XYLT1: variants seen among roughly 807,000 people sequenced by gnomAD.
XYLT1 encodes beta-D-xylosyltransferase 1.
In XYLT1, 36 loss-of-function variants were observed where a neutral mutation model predicts 91.3. The observed-to-expected ratio is 0.39, with a 90% CI of 0.30 to 0.52. The LOEUF is 0.52. XYLT1 is among the 20% of genes least tolerant of loss of function. The pLI is 0.68. For synonymous variants in XYLT1, 588 were observed against 532.0 expected (o/e 1.11, Z -1.45); for missense variants, 1,242 against 1,284.5 (o/e 0.97, Z 0.51).
chr16:17,188,915 A>C (rs887044972), intron 5 of XYLT1, among the ~76,000 whole-genome samples: 4 of 152,222 alleles, frequency 2.6e-5, no homozygotes, highest in Non-Finnish European at 4.4e-5. Context: ...ATTTGGACCC[A>C]GGTGGACTGG....
chr16:17,117,039 C>T (rs1966853740), intron 11 of XYLT1, among the ~76,000 whole-genome samples: 1 of 152,028 alleles, frequency 6.6e-6, no homozygotes, highest in South Asian at 2.1e-4. Flanking sequence ...CAGTCTCTGT[C>T]ACAACTATTC....
intron 2 of XYLT1, among the ~76,000 whole-genome samples, chr16:17,306,012 C>T (rs2034465646): frequency 6.6e-6 from 1 of 152,072 alleles, no homozygotes; most frequent in Non-Finnish European, 1.5e-5. Flanking sequence ...CTGTGATGTC[C>T]CTTCCCTGAC....
chr16:17,465,767 T>C (rs1464531867), intron 1 of XYLT1, among the ~76,000 whole-genome samples: 4 of 152,200 alleles, frequency 2.6e-5, no homozygotes, highest in African/African-American at 4.8e-5. Context: ...AGAAATTCCT[T>C]ATTTTCAAAC....
At chr16:17,147,100 A>G (rs2031153620) in intron 6 of XYLT1, among the ~76,000 whole-genome samples, 1 of 152,200 alleles carries the variant, frequency 6.6e-6, no homozygotes, top group Admixed American at 6.5e-5. Context: ...GCTCATTAGC[A>G]AAGTCATGTT....
intron 2 of XYLT1, among the ~76,000 whole-genome samples, chr16:17,298,803 C>T (rs1048236845): frequency 6.6e-6 from 1 of 152,072 alleles, no homozygotes; most frequent in Admixed American, 6.5e-5. Flanking sequence ...GAAAAATATC[C>T]GTCTGGATAT....
rs114502173 is a variant in XYLT1 at position 17,456,144 on chromosome 16, C to G, written c.363+14290G>C. 7.6e-3 allele frequency among the ~76,000 whole-genome samples: 1,151 copies of G among 152,178 alleles called. 14 individuals are homozygous for G. The highest frequency in any genetic ancestry group is 0.026 in the African/African-American group (1,098 of 41,532). On this transcript the variant is annotated intron_variant, in intron 1 of 11. Coordinates refer to ENST00000261381, the MANE Select transcript of XYLT1 (RefSeq NM_022166.4). The stretch of plus-strand genomic sequence containing the variant: ...GAGGATGGGAATCAGGGTGAGGGTA[C>G]TTCTACCAGAGCCAGACTTTCAGCT...
Position 17,118,049 on chromosome 16 carries a change from G to T in XYLT1, c.2224-70C>A. ...GGGGCTAGGTCTCAGAAAGGTCTAG[G>T]ATCCCCTTTGTTAGCTTTCATATAC... On this transcript the variant is annotated intron_variant, in intron 10 of 11. Coordinates refer to ENST00000261381, the MANE Select transcript of XYLT1 (RefSeq NM_022166.4). 4 of 1,481,028 alleles carry T rather than the reference G, an allele frequency of 2.7e-6. No homozygotes were observed. The Admixed American group carries it at 8.5e-5, about 32-fold the overall frequency. The allele number at this position is 1,481,028 out of a possible 1,614,324, so 91.7% of individuals were successfully genotyped here.
intron 3 of XYLT1, among the ~76,000 whole-genome samples, chr16:17,228,183 G>T (rs2033101044): frequency 6.6e-6 from 1 of 152,204 alleles, no homozygotes; most frequent in Non-Finnish European, 1.5e-5. Flanking sequence ...CCCTGGGGAA[G>T]CCCAACTGTA....
chr16:17,442,702 G>A (rs538707604), intron 1 of XYLT1, among the ~76,000 whole-genome samples: 1 of 152,156 alleles, frequency 6.6e-6, no homozygotes, highest in African/African-American at 2.4e-5. Flanking sequence ...GAACTGCAGA[G>A]CATCCTCCAA....
rs184663245 is a variant in XYLT1 at position 17,450,980 on chromosome 16, C to T, written c.363+19454G>A. On this transcript the variant is annotated intron_variant, in intron 1 of 11. Transcript: ENST00000261381. ...CATTCTGCAGGGGCAGGTGGGGAAT[C>T]GAAAAAGCCGTTGCATGCAAAGGAC... Among the ~76,000 whole-genome samples, 78 of 152,082 alleles carry T rather than the reference C, an allele frequency of 5.1e-4. No individual in the cohort carries two copies. The East Asian group carries it at 0.014, about 28-fold the overall frequency.
chr16:17,218,193 G>C (rs539727077), intron 3 of XYLT1, among the ~76,000 whole-genome samples: 14 of 152,056 alleles, frequency 9.2e-5, no homozygotes, highest in African/African-American at 3.1e-4. Flanking sequence ...AGGGGGTGGA[G>C]GTTGCAGTGA....
At chr16:17,445,000 G>A (rs2036575108) in intron 1 of XYLT1, among the ~76,000 whole-genome samples, 1 of 152,138 alleles carries the variant, frequency 6.6e-6, no homozygotes, top group African/African-American at 2.4e-5. Context: ...GATGAAGGGA[G>A]GACACCATTT....
chr16:17,455,028 A>G (rs1207816599), intron 1 of XYLT1, among the ~76,000 whole-genome samples: 1 of 151,562 alleles, frequency 6.6e-6, no homozygotes, highest in South Asian at 2.1e-4. Context: ...CCCTGGACAG[A>G]GATAAAACTC....
At chr16:17,418,094 C>A (rs1463710430) in intron 1 of XYLT1, among the ~76,000 whole-genome samples, 1 of 152,206 alleles carries the variant, frequency 6.6e-6, no homozygotes, top group Non-Finnish European at 1.5e-5. Flanking sequence ...AACCATCCAG[C>A]CACGTCTAGT....
chr16:17,257,945 C>A (rs2033661688), intron 3 of XYLT1, among the ~76,000 whole-genome samples: 1 of 152,174 alleles, frequency 6.6e-6, no homozygotes, highest in Admixed American at 6.5e-5. Context: ...CCAAGAAATA[C>A]ACATCAATGG....
chr16:17,383,355 G>C (rs993992264), intron 1 of XYLT1, among the ~76,000 whole-genome samples: 3 of 151,748 alleles, frequency 2.0e-5, no homozygotes, highest in East Asian at 2.0e-4. Context: ...AAGATAAGTA[G>C]ACCACTCCCT....
intron 5 of XYLT1, among the ~76,000 whole-genome samples, chr16:17,174,837 C>G (rs2031903862): frequency 6.6e-6 from 1 of 152,150 alleles, no homozygotes; most frequent in African/African-American, 2.4e-5. Flanking sequence ...CTGGTGCGAT[C>G]TCCGCTCACT....
At chr16:17,425,395 T>C (rs1280407655) in intron 1 of XYLT1, among the ~76,000 whole-genome samples, 1 of 152,174 alleles carries the variant, frequency 6.6e-6, no homozygotes. Flanking sequence ...CTACCAATTA[T>C]ATAGGACACC....
chr16:17,329,955 C>G (rs990864628), intron 2 of XYLT1, among the ~76,000 whole-genome samples: 1 of 152,114 alleles, frequency 6.6e-6, no homozygotes, highest in African/African-American at 2.4e-5. Flanking sequence ...AACACCTAGC[C>G]CATAGTACAT....
Sources: allele counts gnomAD v4.1 joint callset (sites outside exome capture counted in the v4.1 genomes callset), GRCh38; gene constraint gnomAD v4.1.1; transcripts MANE v1.5; gene names NCBI Gene and HGNC (gene_info 2026-07-23, HGNC 2026-07-21).